Variants in THSD7A observed in about 807,000 individuals in gnomAD.
THSD7A encodes the protein thrombospondin type 1 domain containing 7A, also known as thrombospondin type-1 domain-containing protein 7A.
THSD7A carries 96 observed loss-of-function variants against 231.3 expected under a neutral mutation model. The ratio of observed to expected loss-of-function variants is 0.41; its 90% CI spans 0.35 to 0.49. The LOEUF (loss-of-function observed/expected upper bound fraction) is 0.49, where lower values mean the gene tolerates loss of function less well. THSD7A is among the 20% of genes least tolerant of loss of function. The pLI, the probability that THSD7A is intolerant of heterozygous loss-of-function variation, is 0.05. For synonymous variants in THSD7A, 940 were observed against 743.3 expected, an observed-to-expected ratio of 1.26 and a Z score of -4.30; for missense variants, 2,290 against 2,070.2, an observed-to-expected ratio of 1.11 and a Z score of -2.06.
intron 1 of THSD7A, among the ~76,000 whole-genome samples, chr7:11,769,154 T>TATCTATATA: frequency 3.4e-5 from 1 of 29,392 alleles, no homozygotes; most frequent in East Asian, 6.5e-4. Flanking sequence ...TATATATATA[T>TATCTATATA]TTTTTTTTTT....
intron 1 of THSD7A, among the ~76,000 whole-genome samples, chr7:11,745,767 T>A (rs1782279033): frequency 6.6e-6 from 1 of 152,230 alleles, no homozygotes; most frequent in South Asian, 2.1e-4. Flanking sequence ...ATATGTGGCA[T>A]TATTTCTGAG....
Position 11,578,964 on chromosome 7 carries a change from A to G in THSD7A, c.1453+11496T>C, listed in dbSNP as rs1159144. On this transcript the variant is annotated intron_variant, in intron 4 of 27. Coordinates refer to ENST00000423059, the MANE Select transcript of THSD7A (RefSeq NM_015204.3). ...CCAGTGCATATAATTACAAGAATATAGATTACTACTTTGAGTTCTTGAATT... is the reference window on the plus strand; with the variant it reads ...CCAGTGCATATAATTACAAGAATATGGATTACTACTTTGAGTTCTTGAATT... Among the ~76,000 whole-genome samples the G allele has an allele frequency of 1.6e-3, 240 of 152,276 alleles. 3 individuals are homozygous for G. The East Asian group carries it at 0.038, about 24-fold the overall frequency.
intron 6 of THSD7A, among the ~76,000 whole-genome samples, chr7:11,492,831 CA>C (rs143463235): frequency 0.071 from 10,743 of 152,086 alleles, 481 homozygotes; most frequent in Non-Finnish European, 0.097. Flanking sequence ...TGTAAAAACA[CA>C]AAAACTTTGA....
chr7:11,771,135 A>G (rs1158619052), intron 1 of THSD7A, among the ~76,000 whole-genome samples: 3 of 151,130 alleles, frequency 2.0e-5, no homozygotes, highest in African/African-American at 7.2e-5. Flanking sequence ...CATCATAATT[A>G]ATATAAAATA....
At chr7:11,563,339 C>T (rs6979815) in intron 4 of THSD7A, among the ~76,000 whole-genome samples, 4 of 152,024 alleles carry the variant, frequency 2.6e-5, no homozygotes, top group South Asian at 2.1e-4. Context: ...TTTTTAGCTA[C>T]GATAACTCAT....
chr7:11,531,688 C>T (rs902579847), intron 6 of THSD7A, among the ~76,000 whole-genome samples: 2 of 152,118 alleles, frequency 1.3e-5, no homozygotes, highest in African/African-American at 4.8e-5. Context: ...GTGTTGTGAA[C>T]TAGGTTGGAA....
intron 1 of THSD7A, among the ~76,000 whole-genome samples, chr7:11,711,605 T>C (rs1780968454): frequency 6.6e-6 from 1 of 151,096 alleles, no homozygotes; most frequent in Non-Finnish European, 1.5e-5. Context: ...ATGATGAAGG[T>C]GAACCTATAA....
intron 4 of THSD7A, among the ~76,000 whole-genome samples, chr7:11,554,794 A>T (rs1406871310): frequency 6.6e-6 from 1 of 151,870 alleles, no homozygotes; most frequent in Non-Finnish European, 1.5e-5. Context: ...CTGTGTAGAA[A>T]TGCTCTATTT....
intron 11 of THSD7A, 74 bp from the exon 12 acceptor site, chr7:11,447,498 C>A: frequency 1.5e-6 from 2 of 1,302,272 alleles, no homozygotes; most frequent in Non-Finnish European, 2.0e-6. Context: ...GCTAACCTAA[C>A]ATTTGGTTAA....
At chr7:11,536,460 T>C (rs1788918890) in intron 6 of THSD7A, among the ~76,000 whole-genome samples, 1 of 152,332 alleles carries the variant, frequency 6.6e-6, no homozygotes, top group South Asian at 2.1e-4. Flanking sequence ...CTGGCCAATA[T>C]GGAGAATTGG....
intron 3 of THSD7A, among the ~76,000 whole-genome samples, chr7:11,591,211 T>C (rs1780152200): frequency 6.7e-6 from 1 of 150,074 alleles, no homozygotes; most frequent in Non-Finnish European, 1.5e-5. Flanking sequence ...GGATGCATGA[T>C]GCAAAGAGCT....
rs897308733 is a variant in THSD7A, at chr7:11,644,817, T to A, written c.191-7856A>T. Among the ~76,000 whole-genome samples, 138 of 152,096 alleles carry A rather than the reference T, an allele frequency of 9.1e-4. 1 individual carries two copies. Among genetic ancestry groups the A allele is most frequent in the African/African-American group, 3.2e-3 (131 of 41,570 alleles). ...GTTTCCTCATTTTAAAAATACGATA[T>A]CCTCTCATAACACTACCTGACCCAT... On this transcript the variant is annotated intron_variant, in intron 1 of 27. Transcript: ENST00000423059.
At chr7:11,509,837 T>TAAAAAAAAAAAAAAAAAAAAAAAA (rs1787728049) in intron 6 of THSD7A, among the ~76,000 whole-genome samples, 1 of 58,818 alleles carries the variant, frequency 1.7e-5, no homozygotes, top group East Asian at 3.6e-4. Context: ...AAAAAAAAAA[T>TAAAAAAAAAAAAAAAAAAAAAAAA]AACATCTGAA....
intron 1 of THSD7A, among the ~76,000 whole-genome samples, chr7:11,736,678 A>G (rs1781926430): frequency 6.6e-6 from 1 of 152,006 alleles, no homozygotes. Context: ...GGCTAAGCAT[A>G]CCCTTGTATC....
intron 7 of THSD7A, among the ~76,000 whole-genome samples, chr7:11,475,723 G>A (rs1211517972): frequency 6.7e-6 from 1 of 150,118 alleles, no homozygotes; most frequent in East Asian, 1.9e-4. Context: ...TCATTTAGCT[G>A]TAAAAATTGA....
intron 1 of THSD7A, among the ~76,000 whole-genome samples, chr7:11,769,170 G>GTTTTTTTTTTTTTTT (rs1783146886): frequency 6.2e-4 from 19 of 30,518 alleles, no homozygotes; most frequent in Non-Finnish European, 1.1e-3. Context: ...TTTTTTTTTG[G>GTTTTTTTTTTTTTTT]TATTTTTGTA....
At position 11,470,001 on chromosome 7, in the gene THSD7A, A is replaced by G. The variant is rs567344175; in HGVS notation, c.2253-7T>C. On this transcript the variant is annotated splice_polypyrimidine_tract_variant and splice_region_variant and intron_variant, in intron 8 of 27. Transcript: ENST00000423059. Reference sequence around the variant, plus strand: ...TCGAAGGCTTTCAGGACATCTAGAAAGGCAAAGGGGAATTATTAGGCTTCA... The same window carrying G: ...TCGAAGGCTTTCAGGACATCTAGAAGGGCAAAGGGGAATTATTAGGCTTCA... 1.7e-4 allele frequency: 262 copies of G among 1,548,360 alleles called. No individual in the cohort carries two copies. The highest frequency in any genetic ancestry group is 2.1e-4 in the Non-Finnish European group (239 of 1,134,262).
intron 6 of THSD7A, among the ~76,000 whole-genome samples, chr7:11,511,719 C>G (rs1382989039): frequency 6.6e-6 from 1 of 152,164 alleles, no homozygotes; most frequent in African/African-American, 2.4e-5. Flanking sequence ...GCTGGGAAAA[C>G]TGGCTAGCCA....
chr7:11,385,113 TTAAAAAA>T (rs1301632459), intron 23 of THSD7A: 4 of 147,000 alleles, frequency 2.7e-5, no homozygotes, highest in African/African-American at 1.1e-4. Context: ...GTTTTGCTGG[TTAAAAAA>T]AAAAAAAAGA....
Sources: allele counts gnomAD v4.1 joint callset (sites outside exome capture counted in the v4.1 genomes callset), GRCh38; gene constraint gnomAD v4.1.1; transcripts MANE v1.5; gene names NCBI Gene and HGNC (gene_info 2026-07-23, HGNC 2026-07-21).